The following HYDIN variants were observed in gnomAD, a reference collection of about 807,000 sequenced individuals.
HYDIN encodes the protein HYDIN axonemal central pair apparatus protein, also known as axonemal central pair apparatus protein HYDIN.
A neutral mutation model predicts 403.9 loss-of-function variants in HYDIN; 132 were observed. That is an observed-to-expected ratio of 0.33 (90% CI 0.28 to 0.38). The LOEUF is 0.38. Among genes scored for constraint, HYDIN ranks in the 10% least tolerant of loss-of-function variants. HYDIN has a pLI of 1.00. For synonymous variants in HYDIN, 1,202 were observed against 1,891.7 expected, an observed-to-expected ratio of 0.64 and a Z score of 9.46; for missense variants, 2,827 against 5,009.5, an observed-to-expected ratio of 0.56 and a Z score of 13.15.
At chr16:71,224,458 G>A (rs1038924267) in intron 1 of HYDIN, among the ~76,000 whole-genome samples, 2 of 151,978 alleles carry the variant, frequency 1.3e-5, no homozygotes, top group Non-Finnish European at 2.9e-5. Context: ...TATTTAAAAA[G>A]AGGCTGCTCA....
At chr16:71,227,699 T>C (rs1053181172) in intron 1 of HYDIN, among the ~76,000 whole-genome samples, 15 of 152,162 alleles carry the variant, frequency 9.9e-5, no homozygotes, top group African/African-American at 4.8e-5. Flanking sequence ...TGCTCATGGA[T>C]AGGAATAATC....
chr16:70,809,121 G>A (rs187594113), intron 85 of HYDIN, among the ~76,000 whole-genome samples: 2 of 152,222 alleles, frequency 1.3e-5, no homozygotes, highest in Admixed American at 1.3e-4. Context: ...TCGCTATGTT[G>A]CCCAGGCTGG....
chr16:70,978,965 G>A lies in HYDIN; in HGVS notation c.4587C>T (p.Leu1529=), dbSNP rs763571737. Residue 1529 remains leucine (L), a synonymous_variant, in exon 30 of 86, where the codon CTC becomes CTT. Transcript: ENST00000393567. ...TDKEYNKCEM[L]DHFDIITEEV... ...CCTCAGTTATTATGTCAAAGTGATC[G>A]AGCATTTCACATTTGTTATACTCTT... 23 of 1,613,848 alleles carry A rather than the reference G, an allele frequency of 1.4e-5. No homozygotes were observed. The highest frequency in any genetic ancestry group is 8.3e-5 in the Admixed American group (5 of 59,994).
In HYDIN at chr16:71,130,486, T is replaced by G. The variant is rs1313391139; in HGVS notation, c.1044-663A>C. On this transcript the variant is annotated intron_variant, in intron 8 of 85. Coordinates refer to ENST00000393567, the MANE Select transcript of HYDIN (RefSeq NM_001270974.2). ...TATATACCGGTTTTTTTTTTTTTTTTTTTTTTTTTTTTGAGACGGAGTCTC... is the reference window on the plus strand; with the variant it reads ...TATATACCGGTTTTTTTTTTTTTTTGTTTTTTTTTTTTGAGACGGAGTCTC... Among the ~76,000 whole-genome samples the G allele has an allele frequency of 4.3e-5, 6 of 140,722 alleles. No individual in the cohort carries two copies. The South Asian group carries it at 7.6e-4, about 18-fold the overall frequency. The allele number at this position is 140,722 out of a possible 152,430, so 92.3% of individuals were successfully genotyped here.
chr16:70,851,336 G>C (rs1020601108), intron 73 of HYDIN, among the ~76,000 whole-genome samples: 2 of 151,566 alleles, frequency 1.3e-5, no homozygotes, highest in Admixed American at 1.3e-4. Context: ...TCTGACACAG[G>C]TCTAATATCC....
intron 70 of HYDIN, among the ~76,000 whole-genome samples, chr16:70,860,433 A>G (rs1281041047): frequency 2.8e-5 from 4 of 142,246 alleles, no homozygotes; most frequent in Non-Finnish European, 6.0e-5. Context: ...AACTGTGCCA[A>G]TGATCCTCTG....
At chr16:71,089,227 C>T (rs1333065443) in intron 11 of HYDIN, among the ~76,000 whole-genome samples, 1 of 152,074 alleles carries the variant, frequency 6.6e-6, no homozygotes, top group African/African-American at 2.4e-5. Context: ...GTAAAGAGCT[C>T]ATGCCTGAGC....
At chr16:71,070,410 C>T (rs1335272798) in intron 13 of HYDIN, among the ~76,000 whole-genome samples, 4 of 151,156 alleles carry the variant, frequency 2.6e-5, no homozygotes, top group Non-Finnish European at 5.9e-5. Context: ...CCTCCACCTC[C>T]CAGGTTCAAG....
intron 45 of HYDIN, among the ~76,000 whole-genome samples, chr16:70,931,696 G>C (rs2077338980): frequency 6.6e-6 from 1 of 152,188 alleles, no homozygotes; most frequent in Admixed American, 6.5e-5. Flanking sequence ...TAGGCTATTA[G>C]ATGGAAGGAA....
chr16:70,896,072 A>G lies in HYDIN; in HGVS notation c.9057T>C (p.Asp3019=). 2.5e-6 allele frequency: 4 copies of G among 1,613,758 alleles called. No homozygotes were observed. Among genetic ancestry groups the G allele is most frequent in the East Asian group, 2.2e-5 (1 of 44,866 alleles). The change falls in exon 54 of 86, where the codon GAT becomes GAC. Residue 3019 remains aspartate, a synonymous_variant. Coordinates refer to ENST00000393567, the MANE Select transcript of HYDIN (RefSeq NM_001270974.2). ...GAACAACACCAAGAAGATTTTCTGCATCTAAAACCTGGCAGGGAAAGGGAA... is the reference window on the plus strand; with the variant it reads ...GAACAACACCAAGAAGATTTTCTGCGTCTAAAACCTGGCAGGGAAAGGGAA... The part of the protein sequence containing the change: ...IKKAIRLEVL[D]AENLLGVVQI...
chr16:71,034,390 T>C (rs11075839), intron 18 of HYDIN, among the ~76,000 whole-genome samples: 3 of 152,050 alleles, frequency 2.0e-5, no homozygotes, highest in Non-Finnish European at 4.4e-5. Context: ...ACATTGCAGA[T>C]TGAAAGCAAG....
chr16:70,803,160 A>T lies in HYDIN; in HGVS notation c.*4420T>A, dbSNP rs7185218. 0.043 allele frequency among the ~76,000 whole-genome samples: 6,415 copies of T among 150,536 alleles called. 466 individuals are homozygous for T. Among genetic ancestry groups the T allele is most frequent in the African/African-American group, 0.15 (6,024 of 41,122 alleles). On this transcript the variant is annotated 3_prime_UTR_variant, in exon 86 of 86. Transcript: ENST00000393567. Reference sequence around the variant, plus strand: ...TTTTTAATAATTCAAACAATAAGGAATTTTTTTTTTACCAGAAGTATTCTT... The same window carrying T: ...TTTTTAATAATTCAAACAATAAGGATTTTTTTTTTTACCAGAAGTATTCTT...
intron 60 of HYDIN, among the ~76,000 whole-genome samples, chr16:70,880,687 C>CT (rs1246548589): frequency 6.6e-6 from 1 of 152,190 alleles, no homozygotes; most frequent in Non-Finnish European, 1.5e-5. Context: ...TCCCACAGCA[C>CT]TTTATCTGTT....
At chr16:70,990,486 T>C (rs1208542256) in intron 25 of HYDIN, among the ~76,000 whole-genome samples, 1 of 149,612 alleles carries the variant, frequency 6.7e-6, no homozygotes, top group African/African-American at 2.5e-5. Flanking sequence ...TTTTTCTTTA[T>C]ACAAATGGTA....
chr16:71,049,802 T>A (rs1389604479), intron 18 of HYDIN, among the ~76,000 whole-genome samples: 4 of 145,834 alleles, frequency 2.7e-5, no homozygotes, highest in Non-Finnish European at 1.5e-5. Context: ...AATCTTGGAA[T>A]TGAAAAATAT....
intron 1 of HYDIN, among the ~76,000 whole-genome samples, chr16:71,228,911 G>A (rs1460594788): frequency 6.6e-6 from 1 of 152,106 alleles, no homozygotes; most frequent in Non-Finnish European, 1.5e-5. Context: ...CAACCCAAAT[G>A]TCCATCAACG....
intron 53 of HYDIN, 88 bp downstream of exon 53, chr16:70,900,914 CTG>C (rs58190033): frequency 0.12 from 43,205 of 373,398 alleles, 117 homozygotes; most frequent in South Asian, 0.14. Context: ...AGGGAGACCT[CTG>C]TGTGTGTGTG....
At chr16:71,177,393 C>A (rs542655529) in intron 4 of HYDIN, among the ~76,000 whole-genome samples, 16 of 152,118 alleles carry the variant, frequency 1.1e-4, no homozygotes, top group Admixed American at 5.2e-4. Context: ...TGCAATGCAC[C>A]TCTTCTTGAG....
At chr16:71,216,239 A>C (rs534198174) in intron 1 of HYDIN, among the ~76,000 whole-genome samples, 2 of 152,338 alleles carry the variant, frequency 1.3e-5, no homozygotes, top group African/African-American at 4.8e-5. Context: ...TAGCATATAG[A>C]AAAAATTGCC....
Sources: allele counts gnomAD v4.1 joint callset (sites outside exome capture counted in the v4.1 genomes callset), GRCh38; gene constraint gnomAD v4.1.1; transcripts MANE v1.5; gene names NCBI Gene and HGNC (gene_info 2026-07-23, HGNC 2026-07-21).